The following GABRR2 variants were observed in gnomAD, a reference collection of about 807,000 sequenced individuals.
GABRR2 encodes gamma-aminobutyric acid type A receptor subunit rho2.
A neutral mutation model predicts 47.0 loss-of-function variants in GABRR2; 36 were observed. The observed-to-expected ratio is 0.77, with a 90% CI of 0.59 to 1.01. GABRR2 has a LOEUF of 1.01. GABRR2 is among the 50% of genes least tolerant of loss of function. GABRR2 has a pLI of 0.00. For missense variants in GABRR2, 587 were observed against 594.6 expected, an observed-to-expected ratio of 0.99 and a Z score of 0.13; for synonymous variants, 204 against 227.5, an observed-to-expected ratio of 0.90 and a Z score of 0.93.
chr6:89,304,380 G>A (rs549048951), intron 1 of GABRR2, among the ~76,000 whole-genome samples: 1 of 152,226 alleles, frequency 6.6e-6, no homozygotes, highest in South Asian at 2.1e-4. Context: ...ATCACTTGAT[G>A]TCAGGAGTTC....
At chr6:89,269,262 A>G (rs1387150736) in intron 3 of GABRR2, 28 bp from the exon 4 acceptor site, 2 of 1,573,420 alleles carry the variant, frequency 1.3e-6, no homozygotes, top group Middle Eastern at 1.7e-4. Flanking sequence ...AGACCAGACA[A>G]AAATGGCTTA....
At chr6:89,278,794 C>T (rs1582448858) in intron 2 of GABRR2, among the ~76,000 whole-genome samples, 1 of 152,306 alleles carries the variant, frequency 6.6e-6, no homozygotes, top group African/African-American at 2.4e-5. Flanking sequence ...TAGTGTGGGG[C>T]GGGGAGGTTG....
At chr6:89,258,316 C>T (rs373422100) in intron 8 of GABRR2, among the ~76,000 whole-genome samples, 22 of 152,240 alleles carry the variant, frequency 1.4e-4, no homozygotes, top group African/African-American at 5.1e-4. Context: ...GAGAGCTATA[C>T]GATTCTGAGA....
chr6:89,282,177 C>T (rs532398180), intron 2 of GABRR2, among the ~76,000 whole-genome samples: 15 of 152,306 alleles, frequency 9.8e-5, no homozygotes, highest in African/African-American at 3.4e-4. Flanking sequence ...GCCCAGCCAG[C>T]GAGCCACCAG....
intron 2 of GABRR2, among the ~76,000 whole-genome samples, chr6:89,284,986 C>T (rs555606038): frequency 6.6e-6 from 1 of 152,182 alleles, no homozygotes; most frequent in Non-Finnish European, 1.5e-5. Context: ...TGTCCACAGC[C>T]GACTCCCCAG....
rs572873666 is a variant in GABRR2 at position 89,292,745 on chromosome 6, C to T, written c.220+7014G>A. On this transcript the variant is annotated intron_variant, in intron 2 of 8. Coordinates refer to ENST00000402938, the MANE Select transcript of GABRR2 (RefSeq NM_002043.5). ...ATATATCGTATATATCATATATAAT[C>T]GTATATATCGTATATACGATATATC... Among the ~76,000 whole-genome samples the T allele has an allele frequency of 1.0e-4, 10 of 96,536 alleles. 1 individual carries two copies. The highest frequency in any genetic ancestry group is 1.4e-4 in the Non-Finnish European group (7 of 50,136). 63.3% of individuals were successfully genotyped at this position (96,536 alleles called of 152,430 possible).
At position 89,271,731 on chromosome 6, in the gene GABRR2, G is replaced by A. The variant is rs1179133215; in HGVS notation, c.221-9C>T. Reference sequence around the variant, plus strand: ...CACCGGGATGGCAGGGCCTGCAGAAGAGCAGAGACAGCTGGTTAAGGCACC... The same window carrying A: ...CACCGGGATGGCAGGGCCTGCAGAAAAGCAGAGACAGCTGGTTAAGGCACC... On this transcript the variant is annotated splice_polypyrimidine_tract_variant and intron_variant, in intron 2 of 8. Coordinates refer to ENST00000402938, the MANE Select transcript of GABRR2 (RefSeq NM_002043.5). 6.2e-7 allele frequency: 1 copy of A among 1,610,220 alleles called. No individual in the cohort carries two copies. The highest frequency in any genetic ancestry group is 1.7e-5 in the Admixed American group (1 of 59,710).
chr6:89,290,713 G>A (rs900753260), intron 2 of GABRR2, among the ~76,000 whole-genome samples: 3 of 152,208 alleles, frequency 2.0e-5, no homozygotes, highest in Non-Finnish European at 2.9e-5. Flanking sequence ...AGTGCCAGTC[G>A]GTATCAGAAG....
chr6:89,269,954 A>T (rs969089756), intron 3 of GABRR2, among the ~76,000 whole-genome samples: 4 of 152,212 alleles, frequency 2.6e-5, no homozygotes, highest in Non-Finnish European at 4.4e-5. Flanking sequence ...CAAATGGAAA[A>T]ATAACTGCCC....
At chr6:89,269,300 A>G in intron 3 of GABRR2, 66 bp from the exon 4 acceptor site, 2 of 1,160,430 alleles carry the variant, frequency 1.7e-6, no homozygotes, top group Non-Finnish European at 2.6e-6. Context: ...CAATCAACCC[A>G]CCATTCACTA....
chr6:89,302,507 A>G, intron 1 of GABRR2: 1 of 738,746 alleles, frequency 1.4e-6, no homozygotes, highest in Non-Finnish European at 2.3e-6. Context: ...TTCCCGGGCC[A>G]GCTCAATGCG....
intron 2 of GABRR2, among the ~76,000 whole-genome samples, chr6:89,290,533 G>C (rs900512108): frequency 6.6e-6 from 1 of 152,352 alleles, no homozygotes; most frequent in Non-Finnish European, 1.5e-5. Context: ...CAGTGCCCAA[G>C]TGTGGCCGGG....
At chr6:89,290,478 C>T (rs1167111931) in intron 2 of GABRR2, among the ~76,000 whole-genome samples, 1 of 152,224 alleles carries the variant, frequency 6.6e-6, no homozygotes, top group Non-Finnish European at 1.5e-5. Flanking sequence ...CATGCACAGG[C>T]CCTGGAGGCA....
intron 8 of GABRR2, among the ~76,000 whole-genome samples, chr6:89,260,541 C>T (rs1773722214): frequency 6.6e-6 from 1 of 152,222 alleles, no homozygotes; most frequent in African/African-American, 2.4e-5. Context: ...CACGTGTTCC[C>T]GCATGCTCTC....
At chr6:89,300,179 G>A (rs543172910) in intron 1 of GABRR2, among the ~76,000 whole-genome samples, 25 of 152,266 alleles carry the variant, frequency 1.6e-4, no homozygotes, top group African/African-American at 6.0e-4. Flanking sequence ...GACTAATAAA[G>A]AAGAAAAGGG....
intron 2 of GABRR2, among the ~76,000 whole-genome samples, chr6:89,293,446 G>T (rs1774503375): frequency 6.6e-6 from 1 of 151,984 alleles, no homozygotes. Flanking sequence ...TGGTCAAAAG[G>T]GTCAATTTTA....
At chr6:89,285,484 T>C (rs1481834006) in intron 2 of GABRR2, among the ~76,000 whole-genome samples, 5 of 151,912 alleles carry the variant, frequency 3.3e-5, no homozygotes, top group Non-Finnish European at 4.4e-5. Flanking sequence ...CGATTGCGGG[T>C]GGGGAGTGGG....
At chr6:89,302,855 T>C (rs2127848413) in intron 1 of GABRR2, 1 of 1,323,840 alleles carries the variant, frequency 7.6e-7, no homozygotes, top group East Asian at 3.0e-5. Flanking sequence ...TCAAGATGTC[T>C]TCCACCCTCA....
Position 89,258,431 on chromosome 6 carries a change from C to T in GABRR2, c.1087-450G>A, listed in dbSNP as rs1773658317. On this transcript the variant is annotated intron_variant, in intron 8 of 8. Coordinates refer to ENST00000402938, the MANE Select transcript of GABRR2 (RefSeq NM_002043.5). Reference sequence around the variant, plus strand: ...AATCAAAAGATGATTAGGAGCCAGGCGCAGTGGCTCATGCCTATAATCTCA... The same window carrying T: ...AATCAAAAGATGATTAGGAGCCAGGTGCAGTGGCTCATGCCTATAATCTCA... 2.0e-5 allele frequency among the ~76,000 whole-genome samples: 3 copies of T among 151,314 alleles called. No homozygotes were observed. In the South Asian group the frequency reaches 6.2e-4, roughly 32 times the overall value.
Sources: allele counts gnomAD v4.1 joint callset (sites outside exome capture counted in the v4.1 genomes callset), GRCh38; gene constraint gnomAD v4.1.1; transcripts MANE v1.5; gene names NCBI Gene and HGNC (gene_info 2026-07-23, HGNC 2026-07-21).